The following NADSYN1 variants were observed in gnomAD, a reference collection of about 807,000 sequenced individuals.
NADSYN1 encodes glutamine-dependent NAD(+) synthetase.
A neutral mutation model predicts 99.3 loss-of-function variants in NADSYN1; 80 were observed. The observed-to-expected ratio is 0.81, with a 90% CI of 0.67 to 0.97. The LOEUF (loss-of-function observed/expected upper bound fraction) is 0.97. Among genes scored for constraint, NADSYN1 ranks in the 50% least tolerant of loss-of-function variants. The probability of loss-of-function intolerance (pLI) is 0.00; values close to 1 mark genes in which losing one functional copy is unlikely to be tolerated. For synonymous variants in NADSYN1, 385 were observed against 372.1 expected (o/e 1.03, Z -0.40); for missense variants, 859 against 948.5 (o/e 0.91, Z 1.24).
intron 5 of NADSYN1, among the ~76,000 whole-genome samples, chr11:71,465,380 C>G (rs188821463): frequency 2.0e-5 from 3 of 152,190 alleles, no homozygotes; most frequent in African/African-American, 7.2e-5. Flanking sequence ...GTGCCAGTCC[C>G]TTATATGCCT....
At chr11:71,482,070 C>CT (rs1419505626) in intron 13 of NADSYN1, 45 bp downstream of exon 13, 1 of 1,550,976 alleles carries the variant, frequency 6.4e-7, no homozygotes, top group African/African-American at 1.4e-5. Context: ...GGGTCCAGCC[C>CT]TTGGGCTGCC....
chr11:71,481,836 T>A, intron 12 of NADSYN1, 87 bp from the exon 13 acceptor site: 8 of 1,233,076 alleles, frequency 6.5e-6, no homozygotes, highest in Non-Finnish European at 9.2e-6. Context: ...GGACGCCTCC[T>A]TGAGGTCTAT....
intron 16 of NADSYN1, among the ~76,000 whole-genome samples, chr11:71,486,796 C>CTTT (rs57662255): frequency 4.9e-5 from 3 of 60,964 alleles, no homozygotes; most frequent in African/African-American, 2.3e-4. Context: ...GCGTGAGTGT[C>CTTT]TTTTTTTTTT....
intron 5 of NADSYN1, among the ~76,000 whole-genome samples, chr11:71,472,075 G>A (rs947687466): frequency 6.6e-6 from 1 of 152,160 alleles, no homozygotes; most frequent in Non-Finnish European, 1.5e-5. Flanking sequence ...AATGCCACAC[G>A]ATTTTTCTGA....
intron 5 of NADSYN1, among the ~76,000 whole-genome samples, chr11:71,471,052 C>T (rs1297173780): frequency 6.6e-6 from 1 of 152,102 alleles, no homozygotes; most frequent in African/African-American, 2.4e-5. Context: ...TTTATTTGTG[C>T]TTTTGTTGAG....
intron 4 of NADSYN1, 109 bp downstream of exon 4, chr11:71,463,594 C>A: frequency 9.0e-7 from 1 of 1,115,488 alleles, no homozygotes; most frequent in South Asian, 1.4e-5. Context: ...TGCTGGGAGG[C>A]TGCTTCTGGA....
rs543388869 is a variant in NADSYN1 at position 71,487,306 on chromosome 11, G to A, written c.1562+1658G>A. ...TTTCAGGAGGGGTGTGACGGCTGGT[G>A]TATATTCTCAGCTCTGGTGTAGTTG... On this transcript the variant is annotated intron_variant, in intron 16 of 20. Coordinates refer to ENST00000319023, the MANE Select transcript of NADSYN1 (RefSeq NM_018161.5). Among the ~76,000 whole-genome samples the A allele has an allele frequency of 7.2e-5, 11 of 152,256 alleles. No individual in the cohort carries two copies. In the South Asian group the frequency reaches 2.3e-3, roughly 32 times the overall value.
At chr11:71,483,486 C>T (rs1010113499) in intron 14 of NADSYN1, among the ~76,000 whole-genome samples, 2 of 152,176 alleles carry the variant, frequency 1.3e-5, no homozygotes, top group Non-Finnish European at 2.9e-5. Context: ...CCTTTCTCTT[C>T]CCCTGCCCTC....
intron 7 of NADSYN1, 75 bp downstream of exon 7, chr11:71,473,441 G>A (rs927264425): frequency 1.0e-5 from 16 of 1,562,590 alleles, no homozygotes; most frequent in Middle Eastern, 1.7e-4. Flanking sequence ...GACTGCAGAC[G>A]TCCTGGGGCC....
chr11:71,497,702 A>G, intron 19 of NADSYN1, 91 bp downstream of exon 19: 1 of 1,505,386 alleles, frequency 6.6e-7, no homozygotes, highest in Non-Finnish European at 9.2e-7. Context: ...CAAGTAGATA[A>G]CAGTGTGACC....
rs1383333540 is a variant in NADSYN1 at position 71,464,101 on chromosome 11, C to G, written c.366C>G (p.Asn122Lys). Reference protein sequence around the residue: ...RPKMALANEGNYRELRWFTPW... With the variant: ...RPKMALANEGKYRELRWFTPW... The stretch of plus-strand genomic sequence containing the variant: ...AGATGGCCTTGGCCAATGAAGGCAA[C>G]TACCGCGAGCTGCGCTGGTTCACCC... Residue 122 changes from asparagine (N) to lysine (K), a missense_variant, in exon 5 of 21, where the codon AAC (asparagine) becomes AAG (lysine). Transcript: ENST00000319023. The G allele has an allele frequency of 6.2e-7, 1 of 1,612,330 alleles. No homozygotes were observed. The highest frequency in any genetic ancestry group is 8.5e-7 in the Non-Finnish European group (1 of 1,179,418).
At chr11:71,501,272 G>A (rs1949855643) in intron 20 of NADSYN1, 30 bp from the exon 21 acceptor site, 4 of 1,532,284 alleles carry the variant, frequency 2.6e-6, no homozygotes, top group Non-Finnish European at 2.6e-6. Flanking sequence ...GTCTTTGCGG[G>A]GCTGTGGTGT....
At chr11:71,484,488 C>G in intron 15 of NADSYN1, 41 bp downstream of exon 15, 1 of 1,586,544 alleles carries the variant, frequency 6.3e-7, no homozygotes, top group Middle Eastern at 1.7e-4. Flanking sequence ...GGTGGGGGTG[C>G]AGGGAGCACT....
At chr11:71,464,303 A>C (rs1018440917) in intron 5 of NADSYN1, 161 bp downstream of exon 5, 1 of 615,194 alleles carries the variant, frequency 1.6e-6, no homozygotes, top group Admixed American at 2.9e-5. Context: ...CCAAAAAAGA[A>C]TGAAGCAACC....
intron 5 of NADSYN1, among the ~76,000 whole-genome samples, chr11:71,465,165 C>G (rs1949579328): frequency 6.6e-6 from 1 of 152,028 alleles, no homozygotes; most frequent in South Asian, 2.1e-4. Context: ...TAGCATTGTG[C>G]TGGAGGGGGC....
rs766445225 is a variant in NADSYN1 at position 71,453,256 on chromosome 11, C to G, written c.-41C>G. 1.9e-6 allele frequency: 3 copies of G among 1,582,204 alleles called. No homozygotes were observed. The highest frequency in any genetic ancestry group is 2.2e-5 in the South Asian group (2 of 89,544). On this transcript the variant is annotated 5_prime_UTR_variant, in exon 1 of 21. Coordinates refer to ENST00000319023, the MANE Select transcript of NADSYN1 (RefSeq NM_018161.5). ...CTACCTCGCTGGGACCCTGGTCTTG[C>G]TGTCCCCCGCTGGCCTCCTGCCCAA... is the stretch of plus-strand genomic sequence containing the variant.
chr11:71,456,634 A>C (rs1465921304), intron 2 of NADSYN1, among the ~76,000 whole-genome samples: 2 of 152,186 alleles, frequency 1.3e-5, no homozygotes, highest in Admixed American at 1.3e-4. Flanking sequence ...TCTCTCTCCT[A>C]TAAATGTTAC....
chr11:71,497,390 C>G, intron 18 of NADSYN1, 93 bp from the exon 19 acceptor site: 1 of 1,548,056 alleles, frequency 6.5e-7, no homozygotes, highest in East Asian at 2.3e-5. Flanking sequence ...GTATTGCCTC[C>G]TTGGTCTCTG....
chr11:71,500,939 C>T (rs975632541), intron 20 of NADSYN1, among the ~76,000 whole-genome samples: 4 of 152,210 alleles, frequency 2.6e-5, no homozygotes, highest in Non-Finnish European at 5.9e-5. Flanking sequence ...GCTGCCCCAG[C>T]TCTGGCCTCT....
Sources: allele counts gnomAD v4.1 joint callset (sites outside exome capture counted in the v4.1 genomes callset), GRCh38; gene constraint gnomAD v4.1.1; transcripts MANE v1.5; gene names NCBI Gene and HGNC (gene_info 2026-07-23, HGNC 2026-07-21).